Variants in GSR observed in about 807,000 individuals in gnomAD.
GSR encodes the protein glutathione-disulfide reductase.
GSR carries 48 observed loss-of-function variants against 56.5 expected under a neutral mutation model. The observed-to-expected ratio is 0.85, with a 90% confidence interval of 0.67 to 1.08. GSR has a LOEUF of 1.08. GSR is among the 50% of genes least tolerant of loss of function. The pLI is 0.00. For synonymous variants in GSR, 264 were observed against 270.8 expected (o/e 0.97, Z 0.25); for missense variants, 694 against 703.3 (o/e 0.99, Z 0.15).
chr8:30,714,264 T>C (rs1423683797), intron 1 of GSR, among the ~76,000 whole-genome samples: 1 of 126,576 alleles, frequency 7.9e-6, no homozygotes, highest in Non-Finnish European at 1.6e-5. Context: ...CAGGCTGGAG[T>C]GCCATGGTGC....
intron 1 of GSR, among the ~76,000 whole-genome samples, chr8:30,721,921 C>A (rs1804552639): frequency 6.6e-6 from 1 of 150,624 alleles, no homozygotes; most frequent in African/African-American, 2.4e-5. Context: ...GGAGGCTGGG[C>A]AGGAGAATCG....
rs964997659 is a variant in GSR at position 30,727,581 on chromosome 8, C to A, written c.255G>T (p.Glu85Asp). 2 of 1,531,772 alleles carry A rather than the reference C, an allele frequency of 1.3e-6. No individual in the cohort carries two copies. 94.9% of individuals were successfully genotyped at this position (1,531,772 alleles called of 1,614,324 possible). Residue 85 changes from glutamate (E) to aspartate (D), a missense_variant, in exon 1 of 13, where the codon GAG (glutamate) becomes GAT (aspartate). Transcript: ENST00000221130. The stretch of plus-strand genomic sequence containing the variant: ...CCACCACGGCGGCCCTGGCACCCAG[C>A]TCGGCCGCCCTGCGCGCGCTGGCCA... ...GGLASARRAA[E>D]LGARAAVVES... is the part of the protein sequence containing the mutation.
intron 1 of GSR, among the ~76,000 whole-genome samples, chr8:30,724,787 T>C (rs13251135): frequency 0.92 from 140,080 of 152,100 alleles, 65,207 homozygotes; most frequent in East Asian, 0.99. Flanking sequence ...CTGCCCACCT[T>C]GGCCTCCCAA....
At chr8:30,681,290 G>T (rs1279542325) in intron 11 of GSR, among the ~76,000 whole-genome samples, 1 of 152,204 alleles carries the variant, frequency 6.6e-6, no homozygotes, top group Non-Finnish European at 1.5e-5. Flanking sequence ...TGCACTTTGA[G>T]AGGCAGAGGC....
intron 7 of GSR, 94 bp from the exon 8 acceptor site, chr8:30,693,149 T>G: frequency 5.2e-6 from 4 of 769,930 alleles, no homozygotes; most frequent in Non-Finnish European, 9.2e-6. Flanking sequence ...GCATTATCTC[T>G]CCCCTAATTA....
intron 9 of GSR, among the ~76,000 whole-genome samples, chr8:30,686,525 T>A (rs1318344095): frequency 6.6e-6 from 1 of 151,908 alleles, no homozygotes; most frequent in Non-Finnish European, 1.5e-5. Flanking sequence ...TCTACAAAAA[T>A]TTTTTTTAAA....
At chr8:30,680,443 G>A (rs952124333) in intron 12 of GSR, among the ~76,000 whole-genome samples, 2 of 128,056 alleles carry the variant, frequency 1.6e-5, no homozygotes, top group African/African-American at 6.0e-5. Context: ...CTCCCAGGCT[G>A]GAGGGCAGTA....
intron 8 of GSR, among the ~76,000 whole-genome samples, chr8:30,690,901 C>CA (rs1803355671): frequency 6.6e-6 from 1 of 151,758 alleles, no homozygotes; most frequent in South Asian, 2.1e-4. Context: ...TCCATGTCTA[C>CA]AAAAATTTTT....
chr8:30,719,210 A>C (rs200268772), intron 1 of GSR, among the ~76,000 whole-genome samples: 2 of 149,722 alleles, frequency 1.3e-5, no homozygotes, highest in Admixed American at 6.7e-5. Context: ...GGGTTCAAGC[A>C]ATTCTCCTGC....
intron 8 of GSR, among the ~76,000 whole-genome samples, chr8:30,691,625 G>C (rs929738785): frequency 2.0e-5 from 3 of 151,398 alleles, no homozygotes; most frequent in Admixed American, 6.6e-5. Context: ...AGGTTGCAGT[G>C]AGCCGAGATG....
At chr8:30,683,414 C>T (rs1181126549) in intron 10 of GSR, among the ~76,000 whole-genome samples, 2 of 152,064 alleles carry the variant, frequency 1.3e-5, no homozygotes, top group Non-Finnish European at 2.9e-5. Flanking sequence ...TGGGACAGAG[C>T]TTGCAATGGT....
intron 5 of GSR, among the ~76,000 whole-genome samples, chr8:30,701,512 G>T (rs534240003): frequency 1.4e-5 from 2 of 144,236 alleles, no homozygotes; most frequent in Non-Finnish European, 3.0e-5. Flanking sequence ...CATTTTGGCC[G>T]GGTGCAGTGG....
chr8:30,696,937 AAT>A (rs1429640350), intron 6 of GSR, among the ~76,000 whole-genome samples: 3 of 152,208 alleles, frequency 2.0e-5, no homozygotes, highest in African/African-American at 7.2e-5. Context: ...GGGCTCAAGC[AAT>A]GCTCTTACCT....
At chr8:30,720,191 T>A (rs974076238) in intron 1 of GSR, among the ~76,000 whole-genome samples, 4 of 152,030 alleles carry the variant, frequency 2.6e-5, no homozygotes, top group Non-Finnish European at 4.4e-5. Flanking sequence ...CCAGCCTGGG[T>A]GACAGAGCAA....
intron 10 of GSR, among the ~76,000 whole-genome samples, chr8:30,682,686 T>A (rs544557105): frequency 2.6e-4 from 40 of 152,338 alleles, no homozygotes; most frequent in Middle Eastern, 3.4e-3. Context: ...AATGAAGATA[T>A]TAGCTTTTTA....
chr8:30,679,236 A>T lies in GSR; in HGVS notation c.*284T>A. ...TTCACAAAGCTTTATATTTGGGATG[A>T]GGCTAAAACAGAAAAAAAAAACTAG... On this transcript the variant is annotated 3_prime_UTR_variant, in exon 13 of 13. Transcript: ENST00000221130. 2.5e-6 allele frequency: 1 copy of T among 392,832 alleles called. No homozygotes were observed. Among genetic ancestry groups the T allele is most frequent in the Non-Finnish European group, 4.6e-6 (1 of 215,212 alleles). 24.3% of individuals were successfully genotyped at this position (392,832 alleles called of 1,614,324 possible).
chr8:30,709,531 A>G (rs1586059669), intron 3 of GSR, among the ~76,000 whole-genome samples: 2 of 152,204 alleles, frequency 1.3e-5, no homozygotes, highest in African/African-American at 4.8e-5. Flanking sequence ...AGAGGTTCCC[A>G]GGGGCCAGGG....
intron 6 of GSR, among the ~76,000 whole-genome samples, chr8:30,698,758 A>G (rs977808059): frequency 3.3e-5 from 5 of 152,208 alleles, no homozygotes; most frequent in African/African-American, 1.2e-4. Context: ...AAACTGGATT[A>G]GCACAGCCCC....
intron 1 of GSR, among the ~76,000 whole-genome samples, chr8:30,723,562 G>A (rs1208480216): frequency 6.6e-6 from 1 of 151,956 alleles, no homozygotes; most frequent in South Asian, 2.1e-4. Context: ...AGGCTGAGGC[G>A]GGTGGATCAC....
Sources: allele counts gnomAD v4.1 joint callset (sites outside exome capture counted in the v4.1 genomes callset), GRCh38; gene constraint gnomAD v4.1.1; transcripts MANE v1.5; gene names NCBI Gene and HGNC (gene_info 2026-07-23, HGNC 2026-07-21).